Variants in AGBL1 observed in about 807,000 individuals in gnomAD.
The protein encoded by AGBL1 is cytosolic carboxypeptidase 4.
Under a neutral mutation model 118.9 loss-of-function variants are expected in AGBL1, and 130 were observed. That is an observed-to-expected ratio of 1.09 (90% CI 0.95 to 1.26). AGBL1 has a LOEUF of 1.26. Among genes scored for constraint, AGBL1 ranks in the 50% most tolerant of loss-of-function variants. AGBL1 has a pLI of 0.00. For missense variants in AGBL1, 1,584 were observed against 1,298.1 expected (o/e 1.22, Z -3.38); for synonymous variants, 555 against 478.9 (o/e 1.16, Z -2.08).
chr15:86,737,203 G>T (rs1030205334), intron 22 of AGBL1, among the ~76,000 whole-genome samples: 8 of 152,176 alleles, frequency 5.3e-5, no homozygotes, highest in African/African-American at 1.7e-4. Flanking sequence ...TGGGGGAAGG[G>T]AGCTGGAAGG....
At chr15:86,946,843 C>CA (rs11355715) in intron 23 of AGBL1, among the ~76,000 whole-genome samples, 54,990 of 99,966 alleles carry the variant, frequency 0.55, 17,185 homozygotes, top group Non-Finnish European at 0.69. Context: ...AAACTCGGTC[C>CA]AAAAAAAAAA....
chr15:86,509,007 C>T (rs529510951), intron 18 of AGBL1, among the ~76,000 whole-genome samples: 48 of 152,022 alleles, frequency 3.2e-4, no homozygotes, highest in South Asian at 1.2e-3. Context: ...ACCCTTAGGT[C>T]GAAATAAAAA....
intron 17 of AGBL1, among the ~76,000 whole-genome samples, chr15:86,336,960 G>A (rs2141874028): frequency 6.6e-6 from 1 of 151,844 alleles, no homozygotes; most frequent in South Asian, 2.1e-4. Flanking sequence ...GTCTGAATGA[G>A]TGAAGGGGCC....
At chr15:86,358,415 T>C (rs2080755071) in intron 17 of AGBL1, among the ~76,000 whole-genome samples, 1 of 152,100 alleles carries the variant, frequency 6.6e-6, no homozygotes, top group South Asian at 2.1e-4. Context: ...ACATTTTCTT[T>C]TTCCATTTTT....
chr15:86,659,564 G>A (rs537874560), intron 21 of AGBL1, among the ~76,000 whole-genome samples: 5 of 152,164 alleles, frequency 3.3e-5, no homozygotes, highest in South Asian at 4.1e-4. Flanking sequence ...CCGCCACGGC[G>A]TCTTTAATTT....
intron 22 of AGBL1, among the ~76,000 whole-genome samples, chr15:86,710,802 C>A (rs537200271): frequency 2.9e-4 from 44 of 152,114 alleles, no homozygotes; most frequent in South Asian, 6.2e-4. Context: ...GCACAAAATG[C>A]CAGGAATGGA....
intron 22 of AGBL1, among the ~76,000 whole-genome samples, chr15:86,769,662 T>C (rs574558836): frequency 2.0e-5 from 3 of 152,122 alleles, no homozygotes; most frequent in African/African-American, 7.2e-5. Context: ...ACCATCCCCA[T>C]CGACATTGGT....
chr15:87,021,073 G>T (rs918920125), intron 24 of AGBL1, among the ~76,000 whole-genome samples: 1 of 152,106 alleles, frequency 6.6e-6, no homozygotes, highest in African/African-American at 2.4e-5. Context: ...CAAAGCTGGA[G>T]GCATCACACT....
chr15:86,644,175 G>A (rs886752812), intron 21 of AGBL1, among the ~76,000 whole-genome samples: 4 of 152,112 alleles, frequency 2.6e-5, no homozygotes, highest in African/African-American at 9.7e-5. Context: ...TATTGTGAAA[G>A]TAGGGAATTA....
At chr15:86,509,946 ATTT>A (rs71144048) in intron 18 of AGBL1, among the ~76,000 whole-genome samples, 5 of 142,896 alleles carry the variant, frequency 3.5e-5, no homozygotes, top group African/African-American at 1.3e-4. Flanking sequence ...GCTGAAGCTC[ATTT>A]TTTTTTTTTT....
intron 15 of AGBL1, among the ~76,000 whole-genome samples, chr15:86,274,406 C>T (rs950361773): frequency 2.6e-5 from 4 of 151,964 alleles, no homozygotes; most frequent in African/African-American, 9.7e-5. Flanking sequence ...ATTTTGATTG[C>T]AATTTAATTT....
chr15:86,327,998 C>CT (rs2080210545), intron 17 of AGBL1, among the ~76,000 whole-genome samples: 2 of 152,172 alleles, frequency 1.3e-5, no homozygotes, highest in African/African-American at 4.8e-5. Flanking sequence ...TATGAGCAAG[C>CT]TTTGTTTTTA....
At chr15:86,112,518 G>A (rs1214238623) in intron 1 of AGBL1, among the ~76,000 whole-genome samples, 3 of 152,194 alleles carry the variant, frequency 2.0e-5, no homozygotes, top group Non-Finnish European at 4.4e-5. Context: ...CATTTAGAGT[G>A]TTTTCAATTT....
chr15:86,374,491 A>G (rs1383824395), intron 17 of AGBL1, among the ~76,000 whole-genome samples: 1 of 152,152 alleles, frequency 6.6e-6, no homozygotes, highest in Non-Finnish European at 1.5e-5. Flanking sequence ...ACTGCTGGTG[A>G]TGGATCATTT....
rs533968007 is a variant in AGBL1, at chr15:86,576,971, G to T, written c.2994+22434G>T. Among the ~76,000 whole-genome samples, 14 of 152,272 alleles carry T rather than the reference G, an allele frequency of 9.2e-5. No homozygotes were observed. In the South Asian group the frequency reaches 2.9e-3, roughly 32 times the overall value. On this transcript the variant is annotated intron_variant, in intron 21 of 22. Coordinates refer to ENST00000614907, the MANE Select transcript of AGBL1 (RefSeq NM_001386094.1). ...AGTCTTGGATATGTCTTAATCAGCA[G>T]CATGAAATTGTACAGTAGATTGGTA...
intron 24 of AGBL1, among the ~76,000 whole-genome samples, chr15:86,998,068 T>A (rs2081396578): frequency 6.6e-6 from 1 of 152,164 alleles, no homozygotes; most frequent in Non-Finnish European, 1.5e-5. Context: ...TAGGAACACA[T>A]AGGATTGGGG....
chr15:86,756,184 T>C (rs1000738468), intron 22 of AGBL1, among the ~76,000 whole-genome samples: 3 of 151,944 alleles, frequency 2.0e-5, no homozygotes, highest in Non-Finnish European at 2.9e-5. Flanking sequence ...TCTTGAAATA[T>C]GCAAAAACAG....
intron 23 of AGBL1, among the ~76,000 whole-genome samples, chr15:86,987,459 T>A (rs1039145722): frequency 4.6e-5 from 7 of 152,216 alleles, no homozygotes; most frequent in Non-Finnish European, 1.0e-4. Flanking sequence ...GACAGTTTAT[T>A]TCCAAATTGT....
chr15:86,699,985 A>G (rs2086328345), intron 22 of AGBL1, among the ~76,000 whole-genome samples: 1 of 151,992 alleles, frequency 6.6e-6, no homozygotes. Context: ...TTCCAATTCC[A>G]TTATTTCCTC....
Sources: allele counts gnomAD v4.1 joint callset (sites outside exome capture counted in the v4.1 genomes callset), GRCh38; gene constraint gnomAD v4.1.1; transcripts MANE v1.5; gene names NCBI Gene and HGNC (gene_info 2026-07-23, HGNC 2026-07-21).